The following ASB2 variants were observed in gnomAD, a reference collection of about 807,000 sequenced individuals.
ASB2 encodes the protein ankyrin repeat and SOCS box containing 2, also known as ankyrin repeat and SOCS box protein 2.
ASB2 carries 58 observed loss-of-function variants against 62.4 expected under a neutral mutation model. That is an observed-to-expected ratio of 0.93 (90% CI 0.75 to 1.16). The LOEUF (loss-of-function observed/expected upper bound fraction) is 1.16, where lower values mean the gene tolerates loss of function less well. Ranked by LOEUF, ASB2 falls within the 50% of genes most tolerant of loss-of-function variation. The pLI is 0.00. For missense variants in ASB2, 928 were observed against 887.9 expected, an observed-to-expected ratio of 1.05 and a Z score of -0.57; for synonymous variants, 386 against 385.3, an observed-to-expected ratio of 1.00 and a Z score of -0.02.
chr14:93,958,244 G>A (rs1386517559), intron 2 of ASB2, among the ~76,000 whole-genome samples: 2 of 152,256 alleles, frequency 1.3e-5, no homozygotes, highest in African/African-American at 2.4e-5. Flanking sequence ...GACACCGCCT[G>A]CATGTGTCCT....
At chr14:93,944,402 C>T (rs956346652) in intron 7 of ASB2, among the ~76,000 whole-genome samples, 6 of 152,276 alleles carry the variant, frequency 3.9e-5, no homozygotes, top group South Asian at 2.1e-4. Context: ...TCACCCCTTG[C>T]GGTTAAGTGT....
rs979215029 is a variant in ASB2 at position 93,934,570 on chromosome 14, A to G, written c.*86T>C. On this transcript the variant is annotated 3_prime_UTR_variant, in exon 10 of 10. Coordinates refer to ENST00000555019, the MANE Select transcript of ASB2 (RefSeq NM_001202429.2). ...GCAGCCTGCAGCCTCGTCTGTCACC[A>G]GGTCCCCTTGGAGTTGGGAACACCG... The G allele has an allele frequency of 1.4e-6, 2 of 1,418,648 alleles. No individual in the cohort carries two copies. The highest frequency in any genetic ancestry group is 2.0e-6 in the Non-Finnish European group (2 of 1,017,750). 87.9% of individuals were successfully genotyped at this position (1,418,648 alleles called of 1,614,324 possible).
chr14:93,944,330 C>G (rs115010493), intron 7 of ASB2, among the ~76,000 whole-genome samples: 561 of 152,362 alleles, frequency 3.7e-3, no homozygotes, highest in African/African-American at 0.013. Flanking sequence ...CAGGAAAATG[C>G]GTGTCTTGGA....
chr14:93,939,808 C>A, intron 7 of ASB2, 136 bp from the exon 8 acceptor site: 1 of 640,450 alleles, frequency 1.6e-6, no homozygotes. Context: ...CGGATCCCAC[C>A]GGCAGGGGGC....
intron 1 of ASB2, chr14:93,974,053 C>T (rs564359862): frequency 4.7e-4 from 71 of 152,368 alleles, no homozygotes; most frequent in African/African-American, 1.6e-3. Flanking sequence ...CATAGCCCCT[C>T]CTCACCTGCA....
intron 1 of ASB2, among the ~76,000 whole-genome samples, chr14:93,970,815 C>T (rs1889737001): frequency 6.6e-6 from 1 of 152,156 alleles, no homozygotes; most frequent in African/African-American, 2.4e-5. Flanking sequence ...CGGTGCCTCA[C>T]TTTGCTCATC....
rs1888769258 is a variant in ASB2, at chr14:93,947,407, T to C, written c.994A>G (p.Lys332Glu). Residue 332 changes from lysine to glutamate, a missense_variant, in exon 7 of 10, where the codon AAG becomes GAG. Coordinates refer to ENST00000555019, the MANE Select transcript of ASB2 (RefSeq NM_001202429.2). ...GGGAGCAAGCCGTCCTTGTTGGTCT[T>C]GTTGGCGTCGGCACCCTGTGACAGC... is the stretch of plus-strand genomic sequence containing the variant. Reference protein sequence around the residue: ...FLLSQGADANKTNKDGLLPLH... With the variant: ...FLLSQGADANETNKDGLLPLH... 1 of 1,614,212 alleles carries C rather than the reference T, an allele frequency of 6.2e-7. No homozygotes were observed. Among genetic ancestry groups the C allele is most frequent in the Non-Finnish European group, 8.5e-7 (1 of 1,180,036 alleles).
Position 93,953,415 on chromosome 14 carries a change from G to A in ASB2, c.571C>T (p.Leu191=). The part of the protein sequence containing the change: ...CRGHLDCLLS[L]LQAGAEPDIS... ...TCCGGCTCTGCCCCTGCTTGGAGCA[G>A]TGACAGGAGACAGTCCAGGTGGCCC... Residue 191 remains leucine (L), a synonymous_variant, in exon 5 of 10, where the codon CTG becomes TTG. Coordinates refer to ENST00000555019, the MANE Select transcript of ASB2 (RefSeq NM_001202429.2). 3 of 1,607,720 alleles carry A rather than the reference G, an allele frequency of 1.9e-6. No individual in the cohort carries two copies. The highest frequency in any genetic ancestry group is 2.6e-6 in the Non-Finnish European group (3 of 1,174,948).
At chr14:93,939,051 G>T (rs1334179489) in intron 8 of ASB2, 57 bp downstream of exon 8, 28 of 1,368,056 alleles carry the variant, frequency 2.0e-5, no homozygotes. Context: ...ATGCGCGCGC[G>T]CGTCCCTGGG....
At position 93,934,180 on chromosome 14, in the gene ASB2, T is replaced by C. The variant is rs1436541115; in HGVS notation, c.*476A>G. ...CTGGGCAGGTGTCACATGTGTAACA[T>C]TTATTATATTAATACTTAACAAAGC... is the stretch of plus-strand genomic sequence containing the variant. On this transcript the variant is annotated 3_prime_UTR_variant, in exon 10 of 10. Coordinates refer to ENST00000555019, the MANE Select transcript of ASB2 (RefSeq NM_001202429.2). The C allele has an allele frequency of 4.4e-6, 2 of 454,672 alleles. No homozygotes were observed. Among genetic ancestry groups the C allele is most frequent in the Admixed American group, 4.7e-5 (2 of 42,408 alleles). 28.2% of individuals were successfully genotyped at this position (454,672 alleles called of 1,614,324 possible).
In ASB2 at chr14:93,966,190, G is replaced by A. The variant is rs948736949; in HGVS notation, c.-73-1578C>T. On this transcript the variant is annotated intron_variant, in intron 1 of 9. Coordinates refer to ENST00000555019, the MANE Select transcript of ASB2 (RefSeq NM_001202429.2). ...TTTCATAGGGTGTGGCAGATCCTGCGGATAGTCCCCTCAATGGCCATTTCC... is the reference window on the plus strand; with the variant it reads ...TTTCATAGGGTGTGGCAGATCCTGCAGATAGTCCCCTCAATGGCCATTTCC... 3.3e-5 allele frequency among the ~76,000 whole-genome samples: 5 copies of A among 152,192 alleles called. No homozygotes were observed. In the South Asian group the frequency reaches 6.2e-4, roughly 19 times the overall value.
intron 1 of ASB2, among the ~76,000 whole-genome samples, chr14:93,974,364 T>C (rs1408922008): frequency 1.3e-5 from 2 of 152,224 alleles, no homozygotes; most frequent in Non-Finnish European, 2.9e-5. Context: ...TTCCAAACAA[T>C]GGTGCTAAGG....
chr14:93,957,420 C>T, intron 2 of ASB2: 1 of 994,516 alleles, frequency 1.0e-6, no homozygotes, highest in African/African-American at 1.7e-5. Flanking sequence ...CTATAGTAAC[C>T]TCTATAGTGT....
At chr14:93,950,374 A>C (rs1888907976) in intron 6 of ASB2, among the ~76,000 whole-genome samples, 1 of 152,242 alleles carries the variant, frequency 6.6e-6, no homozygotes. Context: ...CTGGGCCATC[A>C]TAATGCAGGC....
chr14:93,958,354 A>G (rs3762142), intron 2 of ASB2, among the ~76,000 whole-genome samples: 9,856 of 152,240 alleles, frequency 0.065, 1,152 homozygotes, highest in East Asian at 0.58. Context: ...CACCTTCAGC[A>G]TGACAGCGAG....
At chr14:93,960,950 G>GATAAATAAATAAATAAATAA (rs3063040) in intron 2 of ASB2, among the ~76,000 whole-genome samples, 40 of 144,826 alleles carry the variant, frequency 2.8e-4, no homozygotes, top group African/African-American at 7.4e-4. Flanking sequence ...GGGCACTGGA[G>GATAAATAAATAAATAAATAA]ATAAATAAAT....
intron 2 of ASB2, among the ~76,000 whole-genome samples, chr14:93,963,548 C>T (rs1389861849): frequency 6.6e-6 from 1 of 152,184 alleles, no homozygotes; most frequent in Non-Finnish European, 1.5e-5. Flanking sequence ...ATAAGGTAGT[C>T]ATTGGCCACA....
At chr14:93,938,751 C>G (rs914841526) in intron 8 of ASB2, among the ~76,000 whole-genome samples, 4 of 152,192 alleles carry the variant, frequency 2.6e-5, no homozygotes, top group African/African-American at 9.7e-5. Flanking sequence ...CTTAAATTCC[C>G]CAACGCAGTG....
In ASB2 at chr14:93,937,756, C is replaced by A. The variant is rs139476701; in HGVS notation, c.1713G>T (p.Ser571=). The change falls in exon 9 of 10, where the codon TCG becomes TCT. Residue 571 remains serine, a synonymous_variant. Coordinates refer to ENST00000555019, the MANE Select transcript of ASB2 (RefSeq NM_001202429.2). ...AGCTGTCGATGTGTTCCTTCAGCCG[C>A]GAGCAGAGCTGCACGTTGCCCACGT... The part of the protein sequence containing the change: ...LDYVGNVQLC[S]RLKEHIDSFE... The A allele has an allele frequency of 5.6e-6, 9 of 1,613,062 alleles. No individual in the cohort carries two copies. The African/African-American group carries it at 1.2e-4, about 22-fold the overall frequency.
Sources: allele counts gnomAD v4.1 joint callset (sites outside exome capture counted in the v4.1 genomes callset), GRCh38; gene constraint gnomAD v4.1.1; transcripts MANE v1.5; gene names NCBI Gene and HGNC (gene_info 2026-07-23, HGNC 2026-07-21).